The following RBFOX1 variants were observed in gnomAD, a reference collection of about 807,000 sequenced individuals.
The protein encoded by RBFOX1 is RNA binding fox-1 homolog 1.
Under a neutral mutation model 57.7 loss-of-function variants are expected in RBFOX1, and 8 were observed. That is an observed-to-expected ratio of 0.14 (90% CI 0.08 to 0.25). The LOEUF (loss-of-function observed/expected upper bound fraction) is 0.25, where lower values mean the gene tolerates loss of function less well. RBFOX1 is among the 10% of genes least tolerant of loss of function. RBFOX1 has a pLI of 1.00. For synonymous variants in RBFOX1, 326 were observed against 222.4 expected (o/e 1.47, Z -4.15); for missense variants, 611 against 548.5 (o/e 1.11, Z -1.14).
At chr16:6,462,783 A>G (rs182604292) in intron 2 of RBFOX1, among the ~76,000 whole-genome samples, 27 of 152,100 alleles carry the variant, frequency 1.8e-4, no homozygotes, top group African/African-American at 4.6e-4. Flanking sequence ...GATGTTAGCA[A>G]TCTTTTAAAA....
At chr16:7,139,462 G>T (rs983803955) in intron 4 of RBFOX1, among the ~76,000 whole-genome samples, 2 of 152,088 alleles carry the variant, frequency 1.3e-5, no homozygotes, top group Non-Finnish European at 2.9e-5. Flanking sequence ...TTGAGTGATG[G>T]AAGAGAGGAG....
Position 6,805,709 on chromosome 16 carries a change from C to A in RBFOX1, c.-16+151059C>A, listed in dbSNP as rs1366847603. On this transcript the variant is annotated intron_variant, in intron 3 of 15. Transcript: ENST00000550418. ...AATTATCCTTACCATCTTGTCCATT[C>A]TGCATGCCTCACAATGTACCCTCCT... 3.3e-5 allele frequency among the ~76,000 whole-genome samples: 5 copies of A among 152,152 alleles called. 1 individual carries two copies. The highest frequency in any genetic ancestry group is 1.2e-4 in the African/African-American group (5 of 41,434).
At chr16:6,684,065 A>G (rs926802602) in intron 3 of RBFOX1, among the ~76,000 whole-genome samples, 1 of 152,174 alleles carries the variant, frequency 6.6e-6, no homozygotes, top group Non-Finnish European at 1.5e-5. Flanking sequence ...ATTTGTTTGC[A>G]TCTCATTTGT....
intron 4 of RBFOX1, among the ~76,000 whole-genome samples, chr16:7,205,157 A>G (rs10153112): frequency 0.66 from 100,805 of 151,962 alleles, 34,588 homozygotes; most frequent in African/African-American, 0.84. Context: ...CTGAGAGACC[A>G]AGAAAAATAG....
At chr16:6,091,667 T>G (rs2096176729) in intron 1 of RBFOX1, among the ~76,000 whole-genome samples, 1 of 152,098 alleles carries the variant, frequency 6.6e-6, no homozygotes, top group Non-Finnish European at 1.5e-5. Flanking sequence ...CCATCTTTAC[T>G]AAAAATATAA....
chr16:6,962,214 C>T (rs752539065), intron 3 of RBFOX1, among the ~76,000 whole-genome samples: 13 of 152,242 alleles, frequency 8.5e-5, no homozygotes, highest in Non-Finnish European at 1.8e-4. Context: ...TGCTTGTTTG[C>T]ACATGGCCTT....
At chr16:6,496,621 A>G (rs558976485) in intron 2 of RBFOX1, among the ~76,000 whole-genome samples, 74 of 152,264 alleles carry the variant, frequency 4.9e-4, no homozygotes, top group Non-Finnish European at 9.4e-4. Flanking sequence ...AGTTGCCCCA[A>G]GCGAAGACAC....
rs869240597 is a variant in RBFOX1 at position 5,651,040 on chromosome 16, C to CTTTTTTTTTTTTTTTTTTTTTTTTT, written c.318+52085_318+52109dup. Among the ~76,000 whole-genome samples, 3 of 56,854 alleles carry CTTTTTTTTTTTTTTTTTTTTTTTTT rather than the reference C, an allele frequency of 5.3e-5. 1 individual carries two copies. Among genetic ancestry groups the CTTTTTTTTTTTTTTTTTTTTTTTTT allele is most frequent in the Admixed American group, 7.3e-4 (2 of 2,758 alleles). 37.3% of individuals were successfully genotyped at this position (56,854 alleles called of 152,430 possible). A position where few individuals can be genotyped will look rare whatever the true frequency, so the allele number is the denominator to read the frequency against. On this transcript the variant is annotated intron_variant, in intron 3 of 19. Transcript: ENST00000641259. Reference sequence around the variant, plus strand: ...TCCTCTGGGAGAACACTACCTCCTTCTTTTTTTTTTTTTTTTTTTTTTTTT... The same window carrying CTTTTTTTTTTTTTTTTTTTTTTTTT: ...TCCTCTGGGAGAACACTACCTCCTTCTTTTTTTTTTTTTTTTTTTTTTTTTTTTTTTTTTTTTTTTTTTTTTTTTT...
At chr16:7,191,788 T>C (rs1295030897) in intron 4 of RBFOX1, among the ~76,000 whole-genome samples, 1 of 152,192 alleles carries the variant, frequency 6.6e-6, no homozygotes, top group African/African-American at 2.4e-5. Flanking sequence ...GAATTCTCTG[T>C]GGTGGACAAC....
intron 1 of RBFOX1, among the ~76,000 whole-genome samples, chr16:5,381,074 T>C (rs2066118303): frequency 6.6e-6 from 1 of 152,102 alleles, no homozygotes; most frequent in Non-Finnish European, 1.5e-5. Context: ...ATTTACACCA[T>C]AGTGTGAAAT....
At chr16:6,352,209 C>G (rs772808139) in intron 2 of RBFOX1, among the ~76,000 whole-genome samples, 1 of 152,186 alleles carries the variant, frequency 6.6e-6, no homozygotes, top group Admixed American at 6.5e-5. Context: ...CTCCTTAGCT[C>G]TTATCCTTAT....
At chr16:6,992,528 G>A (rs1296778866) in intron 3 of RBFOX1, among the ~76,000 whole-genome samples, 1 of 151,994 alleles carries the variant, frequency 6.6e-6, no homozygotes, top group Admixed American at 6.6e-5. Context: ...AATTCCTTAA[G>A]TACCTTGTTC....
rs867059924 is a variant in RBFOX1, at chr16:7,221,031, G to A, written c.27+168933G>A. 8.5e-5 allele frequency among the ~76,000 whole-genome samples: 13 copies of A among 152,272 alleles called. No homozygotes were observed. In the South Asian group the frequency reaches 2.3e-3, roughly 27 times the overall value. On this transcript the variant is annotated intron_variant, in intron 4 of 15. Transcript: ENST00000550418. ...GCAATAAGAACTTAGTTTATCAGAT[G>A]TACTGTCTAACTAGTAGAGGTGTGT...
chr16:7,417,794 T>G (rs912152332), intron 4 of RBFOX1, among the ~76,000 whole-genome samples: 2 of 152,238 alleles, frequency 1.3e-5, no homozygotes. Context: ...TCACCCTCTG[T>G]GCATGTGTGT....
chr16:6,354,547 T>C (rs1276007181), intron 2 of RBFOX1, among the ~76,000 whole-genome samples: 1 of 152,112 alleles, frequency 6.6e-6, no homozygotes, highest in East Asian at 1.9e-4. Context: ...AGGACCAAAC[T>C]CCTTCCTATG....
intron 1 of RBFOX1, among the ~76,000 whole-genome samples, chr16:6,205,786 G>A (rs1051778181): frequency 2.1e-5 from 3 of 140,320 alleles, no homozygotes; most frequent in Non-Finnish European, 4.6e-5. Flanking sequence ...ACTGGTTTTG[G>A]TTTGTTTAAG....
intron 3 of RBFOX1, among the ~76,000 whole-genome samples, chr16:6,733,304 G>T (rs2069153496): frequency 6.6e-6 from 1 of 152,034 alleles, no homozygotes; most frequent in African/African-American, 2.4e-5. Context: ...GATAGAAACA[G>T]AAATATGACT....
At chr16:7,205,005 C>A (rs1214964261) in intron 4 of RBFOX1, among the ~76,000 whole-genome samples, 1 of 152,192 alleles carries the variant, frequency 6.6e-6, no homozygotes, top group Non-Finnish European at 1.5e-5. Flanking sequence ...CCTACACTCT[C>A]TTTTCCATGT....
intron 3 of RBFOX1, among the ~76,000 whole-genome samples, chr16:6,710,949 A>T (rs148393733): frequency 1.3e-5 from 2 of 152,228 alleles, no homozygotes; most frequent in Non-Finnish European, 2.9e-5. Flanking sequence ...TGAAGGCTAC[A>T]TGTAACGGGA....
Sources: allele counts gnomAD v4.1 joint callset (sites outside exome capture counted in the v4.1 genomes callset), GRCh38; gene constraint gnomAD v4.1.1; transcripts MANE v1.5; gene names NCBI Gene and HGNC (gene_info 2026-07-23, HGNC 2026-07-21).